The following OR1J2 variants were observed in gnomAD, a reference collection of about 807,000 sequenced individuals.
OR1J2 encodes the protein olfactory receptor 1J2.
For missense variants in OR1J2, 304 were observed against 246.1 expected, an observed-to-expected ratio of 1.24 and a Z score of -1.57; for synonymous variants, 142 against 99.7, an observed-to-expected ratio of 1.42 and a Z score of -2.52.
the OR1J2 span, among the ~76,000 whole-genome samples, chr9:122,573,575 G>A: frequency 2.0e-5 from 3 of 152,088 alleles, no homozygotes; most frequent in Admixed American, 6.6e-5. Flanking sequence ...CCTTTGGCCC[G>A]TTTTTAATTG....
At chr9:122,543,294 C>G in the OR1J2 span, among the ~76,000 whole-genome samples, 1 of 98,380 alleles carries the variant, frequency 1.0e-5, no homozygotes, top group Admixed American at 1.1e-4. Context: ...CCTCGACCTT[C>G]TGGGCTCAAG....
chr9:122,528,960 T>G, the OR1J2 span, among the ~76,000 whole-genome samples: 12 of 152,240 alleles, frequency 7.9e-5, no homozygotes, highest in Non-Finnish European at 1.5e-4. Flanking sequence ...CTAGATGTGT[T>G]TCTTTGTCCT....
At chr9:122,490,398 A>G in the OR1J2 span, among the ~76,000 whole-genome samples, 12 of 152,128 alleles carry the variant, frequency 7.9e-5, no homozygotes, top group African/African-American at 2.9e-4. Flanking sequence ...CAATTTGCTT[A>G]TTATATCATT....
chr9:122,476,490 C>T, the OR1J2 span, among the ~76,000 whole-genome samples: 1 of 152,126 alleles, frequency 6.6e-6, no homozygotes, highest in Non-Finnish European at 1.5e-5. Context: ...CAAACAAAGT[C>T]CTATACAACA....
At chr9:122,535,278 A>G in the OR1J2 span, among the ~76,000 whole-genome samples, 1 of 152,128 alleles carries the variant, frequency 6.6e-6, no homozygotes, top group Admixed American at 6.5e-5. Context: ...CCCCTCCCCC[A>G]GAAAAGCAGG....
chr9:122,515,446 T>TGTGTGTGTGTGTGTGTGTGTGTGTGTGTG (rs1828688425), downstream of OR1J2, among the ~76,000 whole-genome samples: 1 of 150,598 alleles, frequency 6.6e-6, no homozygotes, highest in African/African-American at 2.4e-5. Context: ...TTATTCCCAG[T>TGTGTGTGTGTGTGTGTGTGTGTGTGTGTG]TCCTAAAGAC....
At chr9:122,519,010 C>A in the OR1J2 span, 1 of 655,178 alleles carries the variant, frequency 1.5e-6, no homozygotes. Context: ...AGGGACATAG[C>A]AATGTAGACA....
chr9:122,528,315 G>A, the OR1J2 span, among the ~76,000 whole-genome samples: 2 of 152,256 alleles, frequency 1.3e-5, no homozygotes, highest in Admixed American at 6.5e-5. Context: ...TCCTGATCCC[G>A]GCTGGGCACA....
chr9:122,502,075 T>C, the OR1J2 span, among the ~76,000 whole-genome samples: 2 of 152,336 alleles, frequency 1.3e-5, no homozygotes, highest in South Asian at 2.1e-4. Flanking sequence ...CCAGCACTTC[T>C]AGCTTGCTAT....
the OR1J2 span, among the ~76,000 whole-genome samples, chr9:122,487,404 T>C: frequency 1.8e-4 from 27 of 152,104 alleles, no homozygotes; most frequent in African/African-American, 6.5e-4. Flanking sequence ...ACAAAAATTA[T>C]ATAAACCACC....
the OR1J2 span, among the ~76,000 whole-genome samples, chr9:122,497,379 C>A: frequency 2.2e-4 from 34 of 152,302 alleles, no homozygotes; most frequent in Non-Finnish European, 3.8e-4. Flanking sequence ...GTTTCAATTT[C>A]TTCCTGATTC....
At chr9:122,448,580 A>T in the OR1J2 span, among the ~76,000 whole-genome samples, 1 of 152,164 alleles carries the variant, frequency 6.6e-6, no homozygotes, top group Non-Finnish European at 1.5e-5. Context: ...CTCAGTAGGG[A>T]GAAACCTTGG....
chr9:122,495,662 C>G, the OR1J2 span, among the ~76,000 whole-genome samples: 2 of 151,922 alleles, frequency 1.3e-5, no homozygotes, highest in Non-Finnish European at 2.9e-5. Context: ...GCTTAATAAT[C>G]GAACTCCTGA....
At chr9:122,514,722 G>T (rs1828676878), downstream of OR1J2, among the ~76,000 whole-genome samples, 1 of 152,170 alleles carries the variant, frequency 6.6e-6, no homozygotes. Flanking sequence ...TCATTTGAGA[G>T]AAAAATCTCT....
the OR1J2 span, among the ~76,000 whole-genome samples, chr9:122,561,155 G>A: frequency 6.6e-6 from 1 of 152,252 alleles, no homozygotes; most frequent in East Asian, 1.9e-4. Context: ...TGAAGTTCTT[G>A]TGCTGTGTTT....
At chr9:122,466,872 G>T in the OR1J2 span, among the ~76,000 whole-genome samples, 1 of 152,020 alleles carries the variant, frequency 6.6e-6, no homozygotes, top group African/African-American at 2.4e-5. Flanking sequence ...AGGCTGGAGT[G>T]CAGTGGTGCG....
At chr9:122,492,794 A>AG in the OR1J2 span, among the ~76,000 whole-genome samples, 2 of 152,288 alleles carry the variant, frequency 1.3e-5, no homozygotes, top group East Asian at 1.9e-4. Flanking sequence ...TCCAGTTCTC[A>AG]GGGGGAATGC....
the OR1J2 span, chr9:122,577,032 A>G: frequency 6.6e-6 from 1 of 152,152 alleles, no homozygotes; most frequent in Non-Finnish European, 1.5e-5. Flanking sequence ...TTTTTAAATG[A>G]CAATAATTGA....
At chr9:122,487,820 G>A in the OR1J2 span, among the ~76,000 whole-genome samples, 15 of 152,154 alleles carry the variant, frequency 9.9e-5, 1 homozygote, top group African/African-American at 2.2e-4. Context: ...TGCCTTTGCC[G>A]GACACCAAGG....
Sources: allele counts gnomAD v4.1 joint callset (sites outside exome capture counted in the v4.1 genomes callset), GRCh38; gene constraint gnomAD v4.1.1; transcripts MANE v1.5; gene names NCBI Gene and HGNC (gene_info 2026-07-23, HGNC 2026-07-21).